SNX29: variants seen among roughly 807,000 people sequenced by gnomAD.
SNX29 encodes sorting nexin-29.
Under a neutral mutation model 102.1 loss-of-function variants are expected in SNX29, and 78 were observed. The observed-to-expected ratio is 0.76, with a 90% confidence interval of 0.64 to 0.92. The LOEUF is 0.92. Among genes scored for constraint, SNX29 ranks in the 40% least tolerant of loss-of-function variants. The pLI, the probability that SNX29 is intolerant of heterozygous loss-of-function variation, is 0.00. For synonymous variants in SNX29, 580 were observed against 414.5 expected, an observed-to-expected ratio of 1.40 and a Z score of -4.85; for missense variants, 1,280 against 1,061.7, an observed-to-expected ratio of 1.21 and a Z score of -2.86.
intron 11 of SNX29, among the ~76,000 whole-genome samples, chr16:12,123,311 T>C (rs546425240): frequency 1.3e-5 from 2 of 152,232 alleles, no homozygotes; most frequent in African/African-American, 2.4e-5. Flanking sequence ...GTCTGCTCTC[T>C]CTTCAGATTT....
intron 11 of SNX29, among the ~76,000 whole-genome samples, chr16:12,125,442 A>G (rs900430070): frequency 4.6e-5 from 7 of 152,026 alleles, no homozygotes; most frequent in Middle Eastern, 6.8e-3. Context: ...GCCTCGTCCA[A>G]GAGGCTGGAG....
intron 15 of SNX29, among the ~76,000 whole-genome samples, chr16:12,338,436 A>G (rs991772325): frequency 1.3e-5 from 2 of 152,184 alleles, no homozygotes; most frequent in African/African-American, 4.8e-5. Context: ...ATTCCCGGGA[A>G]CAAGGAAGCT....
intron 13 of SNX29, among the ~76,000 whole-genome samples, chr16:12,188,359 T>C (rs2076563895): frequency 6.6e-6 from 1 of 152,192 alleles, no homozygotes; most frequent in Non-Finnish European, 1.5e-5. Context: ...AGAGCAAGCA[T>C]TCCCGTCAGG....
At chr16:12,071,124 G>A (rs1435362919) in intron 10 of SNX29, among the ~76,000 whole-genome samples, 1 of 151,636 alleles carries the variant, frequency 6.6e-6, no homozygotes, top group Non-Finnish European at 1.5e-5. Context: ...TAGGTTGCCT[G>A]TTCACTCTGA....
At chr16:12,108,871 C>A (rs1313700366) in intron 11 of SNX29, among the ~76,000 whole-genome samples, 1 of 152,216 alleles carries the variant, frequency 6.6e-6, no homozygotes, top group Non-Finnish European at 1.5e-5. Flanking sequence ...TGGCTCACGC[C>A]TGTAATCCCA....
chr16:12,145,241 A>G (rs1012993189), intron 13 of SNX29, among the ~76,000 whole-genome samples: 10 of 152,148 alleles, frequency 6.6e-5, no homozygotes, highest in African/African-American at 2.2e-4. Flanking sequence ...TGAAAGCAGC[A>G]TAACAACTCA....
intron 19 of SNX29, among the ~76,000 whole-genome samples, chr16:12,505,776 A>AAAAAC (rs1555556302): frequency 1.3e-5 from 2 of 150,838 alleles, no homozygotes; most frequent in Non-Finnish European, 3.0e-5. Flanking sequence ...AAAAAAAAAA[A>AAAAAC]AAAAAAAGGC....
At chr16:12,243,519 G>A (rs182205884) in intron 14 of SNX29, among the ~76,000 whole-genome samples, 1 of 152,192 alleles carries the variant, frequency 6.6e-6, no homozygotes, top group Non-Finnish European at 1.5e-5. Flanking sequence ...ACTAGATCCT[G>A]CTGGTTATTC....
At chr16:12,308,409 G>T (rs1047910818) in intron 15 of SNX29, among the ~76,000 whole-genome samples, 3 of 152,172 alleles carry the variant, frequency 2.0e-5, no homozygotes, top group Non-Finnish European at 4.4e-5. Flanking sequence ...CTTCTGCAGG[G>T]ATCAACCTCT....
intron 19 of SNX29, among the ~76,000 whole-genome samples, chr16:12,517,251 C>G (rs2089906226): frequency 6.6e-6 from 1 of 152,152 alleles, no homozygotes; most frequent in African/African-American, 2.4e-5. Context: ...ATTTTGGCTG[C>G]CACCCTAGGA....
intron 19 of SNX29, among the ~76,000 whole-genome samples, chr16:12,518,350 C>T (rs529958610): frequency 6.6e-6 from 1 of 152,196 alleles, no homozygotes; most frequent in African/African-American, 2.4e-5. Context: ...CCGCTAAACC[C>T]AGCCACACCG....
At chr16:12,139,979 T>TAAAAA (rs144110763) in intron 13 of SNX29, among the ~76,000 whole-genome samples, 1 of 63,070 alleles carries the variant, frequency 1.6e-5, no homozygotes, top group African/African-American at 6.5e-5. Flanking sequence ...ATACCCTGTC[T>TAAAAA]CAAAAAAAAA....
intron 1 of SNX29, chr16:11,983,546 A>C (rs2055476665): frequency 1.8e-6 from 1 of 541,654 alleles, no homozygotes; most frequent in African/African-American, 2.1e-5. Flanking sequence ...TGCTATCAAC[A>C]TTTTTTCCCC....
At position 12,316,205 on chromosome 16, in the gene SNX29, G is replaced by C. The variant is rs866304992; in HGVS notation, c.1782+38169G>C. ...GGGACTGGCTGTAGCCAGTGGGGCG[G>C]GAAGAATTTGGGATAGGTTCCACAG... On this transcript the variant is annotated intron_variant, in intron 15 of 20. Coordinates refer to ENST00000566228, the MANE Select transcript of SNX29 (RefSeq NM_032167.5). Among the ~76,000 whole-genome samples, 4 of 152,176 alleles carry C rather than the reference G, an allele frequency of 2.6e-5. No homozygotes were observed. The South Asian group carries it at 6.2e-4, about 24-fold the overall frequency.
intron 4 of SNX29, among the ~76,000 whole-genome samples, chr16:12,037,810 C>T (rs150321886): frequency 5.0e-4 from 76 of 151,882 alleles, no homozygotes; most frequent in Middle Eastern, 3.4e-3. Context: ...AAAAAATTAG[C>T]CGTGTATGGT....
intron 18 of SNX29, among the ~76,000 whole-genome samples, chr16:12,454,219 G>T (rs550763748): frequency 1.3e-5 from 2 of 152,250 alleles, no homozygotes; most frequent in East Asian, 3.9e-4. Flanking sequence ...GCCGCCTTGG[G>T]CCATGTGGTA....
chr16:12,056,328 C>T (rs906276637), intron 8 of SNX29, among the ~76,000 whole-genome samples: 3 of 152,196 alleles, frequency 2.0e-5, no homozygotes, highest in African/African-American at 7.2e-5. Flanking sequence ...GGGTGACCTT[C>T]ACTTGGCCTG....
At chr16:12,553,610 G>C (rs939621137) in intron 20 of SNX29, among the ~76,000 whole-genome samples, 2 of 134,894 alleles carry the variant, frequency 1.5e-5, no homozygotes, top group Non-Finnish European at 3.0e-5. Context: ...ACCCCTGCAA[G>C]ATGGAATTTT....
chr16:12,481,150 C>G (rs1373965852), intron 19 of SNX29, among the ~76,000 whole-genome samples: 2 of 152,052 alleles, frequency 1.3e-5, no homozygotes, highest in African/African-American at 2.4e-5. Flanking sequence ...AATAGACAAG[C>G]TTGAGAATAA....
Sources: allele counts gnomAD v4.1 joint callset (sites outside exome capture counted in the v4.1 genomes callset), GRCh38; gene constraint gnomAD v4.1.1; transcripts MANE v1.5; gene names NCBI Gene and HGNC (gene_info 2026-07-23, HGNC 2026-07-21).